The following PBX4 variants were observed in gnomAD, a reference collection of about 807,000 sequenced individuals.
The protein encoded by PBX4 is PBX homeobox 4, also known as pre-B-cell leukemia transcription factor 4.
A neutral mutation model predicts 35.1 loss-of-function variants in PBX4; 26 were observed. The observed-to-expected ratio is 0.74, with a 90% confidence interval of 0.54 to 1.03. The LOEUF (loss-of-function observed/expected upper bound fraction) is 1.03. PBX4 is among the 50% of genes least tolerant of loss of function. The pLI, the probability that PBX4 is intolerant of heterozygous loss-of-function variation, is 0.00. For synonymous variants in PBX4, 199 were observed against 204.2 expected (o/e 0.97, Z 0.22); for missense variants, 448 against 504.3 (o/e 0.89, Z 1.07).
At chr19:19,581,905 A>G (rs938979899) in intron 2 of PBX4, among the ~76,000 whole-genome samples, 1 of 152,110 alleles carries the variant, frequency 6.6e-6, no homozygotes, top group African/African-American at 2.4e-5. Flanking sequence ...TGGTGCTCTG[A>G]GCAGCAGGAG....
intron 2 of PBX4, among the ~76,000 whole-genome samples, chr19:19,591,508 G>A (rs948043844): frequency 6.6e-6 from 1 of 152,246 alleles, no homozygotes; most frequent in Non-Finnish European, 1.5e-5. Context: ...AGCACAGCAA[G>A]GGTTCCTGCA....
At chr19:19,611,944 C>G (rs1453558904) in intron 1 of PBX4, among the ~76,000 whole-genome samples, 1 of 151,756 alleles carries the variant, frequency 6.6e-6, no homozygotes, top group African/African-American at 2.4e-5. Context: ...CAAAACCAGC[C>G]TGGGCAACAT....
intron 2 of PBX4, chr19:19,580,041 CTT>C (rs1446978203): frequency 2.6e-5 from 4 of 152,276 alleles, no homozygotes; most frequent in Admixed American, 1.3e-4. Flanking sequence ...CCAAATCTCT[CTT>C]TGAGGAGTCC....
At chr19:19,584,230 T>C (rs1181224591) in intron 2 of PBX4, among the ~76,000 whole-genome samples, 1 of 152,088 alleles carries the variant, frequency 6.6e-6, no homozygotes, top group Non-Finnish European at 1.5e-5. Flanking sequence ...AGAGCGAGAC[T>C]CTGATTCAAA....
intron 1 of PBX4, among the ~76,000 whole-genome samples, chr19:19,613,189 G>A (rs1599384659): frequency 1.3e-5 from 2 of 151,670 alleles, no homozygotes; most frequent in Non-Finnish European, 2.9e-5. Context: ...TGGCTGGCAG[G>A]GCGTGGTGGT....
intron 2 of PBX4, among the ~76,000 whole-genome samples, chr19:19,583,263 A>G (rs1447927435): frequency 1.3e-5 from 2 of 152,056 alleles, no homozygotes; most frequent in African/African-American, 2.4e-5. Flanking sequence ...TGGGCAACAA[A>G]GCGAGACTCC....
At chr19:19,585,496 C>G (rs748309017) in intron 2 of PBX4, among the ~76,000 whole-genome samples, 13 of 152,160 alleles carry the variant, frequency 8.5e-5, no homozygotes, top group Admixed American at 1.3e-4. Context: ...CTAGGCAAAT[C>G]TCCGTCATCT....
chr19:19,591,183 C>A (rs376739786), intron 2 of PBX4, among the ~76,000 whole-genome samples: 1 of 152,108 alleles, frequency 6.6e-6, no homozygotes, highest in South Asian at 2.1e-4. Flanking sequence ...ACATGGGACT[C>A]AGCCCCAGGG....
intron 5 of PBX4, among the ~76,000 whole-genome samples, chr19:19,567,704 T>G (rs535432772): frequency 6.6e-6 from 1 of 152,260 alleles, no homozygotes; most frequent in South Asian, 2.1e-4. Flanking sequence ...AGCCTCTTGG[T>G]CTTAGTGTCT....
intron 2 of PBX4, among the ~76,000 whole-genome samples, chr19:19,596,596 G>A (rs1449694020): frequency 6.6e-6 from 1 of 152,072 alleles, no homozygotes; most frequent in Non-Finnish European, 1.5e-5. Context: ...GATTTACTCT[G>A]AAAGGAATCA....
chr19:19,572,072 T>TTTA (rs2061387857), intron 2 of PBX4, among the ~76,000 whole-genome samples: 1 of 122,920 alleles, frequency 8.1e-6, no homozygotes, highest in African/African-American at 3.0e-5. Flanking sequence ...GAATCAGGCT[T>TTTA]TTTTTTTTTT....
At chr19:19,569,368 C>A in intron 5 of PBX4, 81 bp downstream of exon 5, 11 of 1,512,862 alleles carry the variant, frequency 7.3e-6, no homozygotes, top group Non-Finnish European at 8.9e-6. Context: ...ACACATTTAA[C>A]AAACTTCCCT....
chr19:19,564,095 A>C (rs1600390242), intron 6 of PBX4, among the ~76,000 whole-genome samples: 2 of 145,934 alleles, frequency 1.4e-5, no homozygotes, highest in African/African-American at 5.1e-5. Flanking sequence ...GCACCCACTA[A>C]CTCGTCATCT....
At position 19,562,236 on chromosome 19, in the gene PBX4, A is replaced by C; in HGVS notation, c.1033-119T>G. The C allele has an allele frequency of 1.4e-6, 1 of 694,742 alleles. No individual in the cohort carries two copies. Among genetic ancestry groups the C allele is most frequent in the Non-Finnish European group, 2.4e-6 (1 of 422,282 alleles). 43.0% of individuals were successfully genotyped at this position (694,742 alleles called of 1,614,324 possible). A position where few individuals can be genotyped will look rare whatever the true frequency, so the allele number is the denominator to read the frequency against. On this transcript the variant is annotated intron_variant, in intron 7 of 7. Transcript: ENST00000251203. The surrounding 1 kb of genome is among the most constrained non-coding windows in gnomAD (Gnocchi z 4.8). ...GGGAAGGCTTGGAAAAGATCCACAG[A>C]TGACCTCCAGCTCAGTGGAGGAGGG... is the stretch of plus-strand genomic sequence containing the variant.
Position 19,565,109 on chromosome 19 carries a change from A to T in PBX4, c.769-20T>A. 6.2e-7 allele frequency: 1 copy of T among 1,613,976 alleles called. No individual in the cohort carries two copies. Among genetic ancestry groups the T allele is most frequent in the Non-Finnish European group, 8.5e-7 (1 of 1,179,932 alleles). On this transcript the variant is annotated intron_variant, in intron 5 of 7. Transcript: ENST00000251203. ...AGAGACCTGCGGACACACAGGAGTCACTGGAGGAGCTGACCCAGCGACTTC... is the reference window on the plus strand; with the variant it reads ...AGAGACCTGCGGACACACAGGAGTCTCTGGAGGAGCTGACCCAGCGACTTC...
chr19:19,577,774 G>A (rs145949752), intron 2 of PBX4, among the ~76,000 whole-genome samples: 2,689 of 151,930 alleles, frequency 0.018, 83 homozygotes, highest in South Asian at 0.11. Context: ...CAGGGGAATC[G>A]CTTGGAACTG....
At chr19:19,600,581 G>A (rs903686048) in intron 1 of PBX4, among the ~76,000 whole-genome samples, 5 of 151,844 alleles carry the variant, frequency 3.3e-5, no homozygotes, top group Non-Finnish European at 7.4e-5. Flanking sequence ...CACTTTGGGC[G>A]GCCGAGGCGG....
At chr19:19,613,432 C>T (rs1318925333) in intron 1 of PBX4, among the ~76,000 whole-genome samples, 4 of 136,576 alleles carry the variant, frequency 2.9e-5, no homozygotes, top group African/African-American at 5.5e-5. Flanking sequence ...CACGCCAGAG[C>T]GAGACTCTGT....
intron 5 of PBX4, among the ~76,000 whole-genome samples, chr19:19,568,086 C>A (rs1397445175): frequency 6.7e-6 from 1 of 149,994 alleles, no homozygotes; most frequent in Non-Finnish European, 1.5e-5. Context: ...CACACTCTAT[C>A]TGTAACCCTC....
Sources: allele counts gnomAD v4.1 joint callset (sites outside exome capture counted in the v4.1 genomes callset), GRCh38; gene constraint gnomAD v4.1.1; non-coding constraint Gnocchi (gnomAD v3.1); transcripts MANE v1.5; gene names NCBI Gene and HGNC (gene_info 2026-07-23, HGNC 2026-07-21).